C16orf92: variants seen among roughly 807,000 people sequenced by gnomAD.
C16orf92 encodes the protein fertilization-influencing membrane protein 1.
C16orf92 carries 14 observed loss-of-function variants against 13.7 expected under a neutral mutation model. The ratio of observed to expected loss-of-function variants is 1.02; its 90% confidence interval spans 0.67 to 1.60. C16orf92 has a LOEUF of 1.60. C16orf92 is among the 40% of genes most tolerant of loss of function. C16orf92 has a pLI of 0.00. For missense variants in C16orf92, 116 were observed against 139.0 expected, an observed-to-expected ratio of 0.83 and a Z score of 0.83; for synonymous variants, 50 against 57.4, an observed-to-expected ratio of 0.87 and a Z score of 0.58.
chr16:30,023,595 G>C (rs571779753), intron 1 of C16orf92, 132 bp from the exon 2 acceptor site: 8 of 1,541,400 alleles, frequency 5.2e-6, no homozygotes, highest in Non-Finnish European at 7.1e-6. Flanking sequence ...CTGACCCTGA[G>C]GGAAATCAAG....
downstream of C16orf92, chr16:30,025,233 G>A (rs1438657523): frequency 6.6e-7 from 1 of 1,522,452 alleles, no homozygotes; most frequent in Non-Finnish European, 8.8e-7. The surrounding 1 kb of genome is among the most constrained non-coding windows in gnomAD (Gnocchi z 4.1). Context: ...GGCCAGAAGA[G>A]GCGGCAGGCC....
downstream of C16orf92, chr16:30,025,495 G>C (rs769351400): frequency 2.9e-5 from 47 of 1,608,596 alleles, 2 homozygotes; most frequent in Admixed American, 7.9e-4. The surrounding 1 kb of genome is among the most constrained non-coding windows in gnomAD (Gnocchi z 4.1). Flanking sequence ...CAGTGGCCAC[G>C]GCAGCAGAAG....
Position 30,024,378 on chromosome 16 carries a change from C to A in C16orf92, c.*151C>A. The A allele has an allele frequency of 9.4e-7, 1 of 1,058,856 alleles. No individual in the cohort carries two copies. The highest frequency in any genetic ancestry group is 1.3e-6 in the Non-Finnish European group (1 of 745,200). The allele number at this position is 1,058,856 out of a possible 1,614,324, so 65.6% of individuals were successfully genotyped here. On this transcript the variant is annotated 3_prime_UTR_variant, in exon 4 of 4. Coordinates refer to ENST00000681219, the MANE Select transcript of C16orf92 (RefSeq NM_001109659.2). Reference sequence around the variant, plus strand: ...CTCTGTTTCCCATGGCCCAAGCCCCCCACCTCCTCCCTTCCCAGCCCCAAA... The same window carrying A: ...CTCTGTTTCCCATGGCCCAAGCCCCACACCTCCTCCCTTCCCAGCCCCAAA...
downstream of C16orf92, chr16:30,025,679 C>T: frequency 6.3e-7 from 1 of 1,586,202 alleles, no homozygotes; most frequent in South Asian, 1.1e-5. This position sits in a 1 kb window ranked among gnomAD's most constrained non-coding sequence, Gnocchi z 4.1. Flanking sequence ...CCCTCCCCTT[C>T]CTGTGACCTC....
chr16:30,023,468 C>T (rs2070946088), intron 1 of C16orf92, 64 bp downstream of exon 1: 1 of 1,524,472 alleles, frequency 6.6e-7, no homozygotes, highest in Non-Finnish European at 9.0e-7. Flanking sequence ...GTGTGATGCC[C>T]ACTTAGGGAC....
chr16:30,026,929 G>A (rs138064628), downstream of C16orf92: 21 of 1,150,750 alleles, frequency 1.8e-5, no homozygotes, highest in East Asian at 4.7e-4. Flanking sequence ...CAGCACAGCA[G>A]CCCTGGACAG....
downstream of C16orf92, chr16:30,024,995 G>T (rs1567293826): frequency 1.9e-6 from 1 of 531,298 alleles, no homozygotes; most frequent in Non-Finnish European, 3.3e-6. Flanking sequence ...GGGCAGAGTA[G>T]GGGGAAGAGG....
chr16:30,023,357 G>C lies in C16orf92; in HGVS notation c.17G>C (p.Trp6Ser), dbSNP rs774121424. The change falls in exon 1 of 4, where the codon TGG becomes TCG. Residue 6 changes from tryptophan (W) to serine (S), a missense_variant. Coordinates refer to ENST00000681219, the MANE Select transcript of C16orf92 (RefSeq NM_001109659.2). MRLWP[W>S]VLVWVWLAAL... ...ATAGGAGTCATGAGGCTGTGGCCAT[G>C]GGTGCTGGTGTGGGTGTGGCTGGCT... The C allele has an allele frequency of 3.1e-6, 5 of 1,608,560 alleles. No homozygotes were observed. In the South Asian group the frequency reaches 5.6e-5, roughly 18 times the overall value.
intron 2 of C16orf92, 26 bp downstream of exon 2, chr16:30,023,911 T>C (rs1282512021): frequency 6.3e-7 from 1 of 1,595,142 alleles, no homozygotes; most frequent in Non-Finnish European, 8.6e-7. Flanking sequence ...AGAAGGGACC[T>C]CCCTCCCCGC....
At position 30,023,708 on chromosome 16, in the gene C16orf92, G is replaced by C. The variant is rs2070956504; in HGVS notation, c.65-19G>C. 3 of 1,614,022 alleles carry C rather than the reference G, an allele frequency of 1.9e-6. No individual in the cohort carries two copies. In the African/African-American group the frequency reaches 4.0e-5, roughly 22 times the overall value. ...AGGGGTCAGCTTGGCTGTTGTCACA[G>C]AGTTTGCTTGGGTCCTAGCACCCAG... On this transcript the variant is annotated intron_variant, in intron 1 of 3. Transcript: ENST00000681219.
intron 1 of C16orf92, 101 bp from the exon 2 acceptor site, chr16:30,023,626 T>C (rs887212365): frequency 2.5e-6 from 4 of 1,589,990 alleles, no homozygotes; most frequent in Non-Finnish European, 8.6e-7. Flanking sequence ...GCCTCTGCAA[T>C]AAGGCTGGGT....
chr16:30,025,324 C>T, downstream of C16orf92: 1 of 1,573,130 alleles, frequency 6.4e-7, no homozygotes, highest in Non-Finnish European at 8.6e-7. The surrounding 1 kb of genome is among the most constrained non-coding windows in gnomAD (Gnocchi z 4.1). Context: ...CAGGGATGGC[C>T]AGGGGCACGG....
At position 30,024,668 on chromosome 16, in the gene C16orf92, A is replaced by G; in HGVS notation, c.*441A>G. 5.1e-6 allele frequency: 1 copy of G among 196,120 alleles called. No individual in the cohort carries two copies. The highest frequency in any genetic ancestry group is 1.0e-5 in the Non-Finnish European group (1 of 97,172). 12.1% of individuals were successfully genotyped at this position (196,120 alleles called of 1,614,324 possible). A position where few individuals can be genotyped will look rare whatever the true frequency, so the allele number is the denominator to read the frequency against. ...CCCCCAACCCAACAGACTAGTTCAA[A>G]TTTGGGTAAATAAATAAAATAAATA... is the stretch of plus-strand genomic sequence containing the variant. On this transcript the variant is annotated 3_prime_UTR_variant, in exon 4 of 4. Coordinates refer to ENST00000681219, the MANE Select transcript of C16orf92 (RefSeq NM_001109659.2).
In C16orf92 at chr16:30,024,226, A is replaced by G; in HGVS notation, c.332A>G (p.Ter111=). ...CTHINFQKGA[*] is the part of the protein sequence containing the mutation. ...CACAGAAACTTCCAGAAAGGGGCCT[A>G]AAGAGCCGGACAAGGGCTCTGGACT... Residue 111 remains the stop codon, a stop_retained_variant, in exon 4 of 4, where the codon TAA becomes TGA. Coordinates refer to ENST00000681219, the MANE Select transcript of C16orf92 (RefSeq NM_001109659.2). 6.2e-7 allele frequency: 1 copy of G among 1,613,976 alleles called. No individual in the cohort carries two copies. Among genetic ancestry groups the G allele is most frequent in the Non-Finnish European group, 8.5e-7 (1 of 1,179,888 alleles).
downstream of C16orf92, chr16:30,026,524 C>T (rs923274342): frequency 2.2e-5 from 27 of 1,233,250 alleles, no homozygotes; most frequent in African/African-American, 3.0e-5. Flanking sequence ...TACGCAGACC[C>T]GGGGCTTCCC....
In C16orf92 at chr16:30,023,376, G is replaced by T. The variant is rs1259967128; in HGVS notation, c.36G>T (p.Trp12Cys). ...GGCCATGGGTGCTGGTGTGGGTGTG[G>T]CTGGCTGCACTAGGGGCCATAGAAA... The part of the protein sequence containing the change: ...RLWPWVLVWV[W>C]LAALGAIETA... The change falls in exon 1 of 4, where the codon TGG becomes TGT. Residue 12 changes from tryptophan to cysteine, a missense_variant. Coordinates refer to ENST00000681219, the MANE Select transcript of C16orf92 (RefSeq NM_001109659.2). 1 of 1,610,714 alleles carries T rather than the reference G, an allele frequency of 6.2e-7. No individual in the cohort carries two copies. The highest frequency in any genetic ancestry group is 8.5e-7 in the Non-Finnish European group (1 of 1,178,826).
In C16orf92 at chr16:30,024,051, G is replaced by A. The variant is rs371571245; in HGVS notation, c.276G>A (p.Ala92=). 8 of 1,613,856 alleles carry A rather than the reference G, an allele frequency of 5.0e-6. No individual in the cohort carries two copies. The highest frequency in any genetic ancestry group is 5.9e-6 in the Non-Finnish European group (7 of 1,179,928). ...HHILVGLLVV[A]FFFLLFQFCT... ...TCCTGGTGGGCTTGCTGGTGGTGGCGTTCTTCTTTCTCCTTTTCCAGTTCT... is the reference window on the plus strand; with the variant it reads ...TCCTGGTGGGCTTGCTGGTGGTGGCATTCTTCTTTCTCCTTTTCCAGTTCT... Residue 92 remains alanine (A), a synonymous_variant, in exon 3 of 4, where the codon GCG becomes GCA. Coordinates refer to ENST00000681219, the MANE Select transcript of C16orf92 (RefSeq NM_001109659.2).
In C16orf92 at chr16:30,023,699, G is replaced by A. The variant is rs201910743; in HGVS notation, c.65-28G>A. On this transcript the variant is annotated intron_variant, in intron 1 of 3. Transcript: ENST00000681219. ...GATAAAGGCAGGGGTCAGCTTGGCT[G>A]TTGTCACAGAGTTTGCTTGGGTCCT... 3.7e-6 allele frequency: 6 copies of A among 1,614,140 alleles called. No individual in the cohort carries two copies. The Admixed American group carries it at 8.3e-5, about 22-fold the overall frequency.
At chr16:30,025,765 G>A (rs1278883007), downstream of C16orf92, 1 of 1,614,160 alleles carries the variant, frequency 6.2e-7, no homozygotes, top group South Asian at 1.1e-5. This position sits in a 1 kb window ranked among gnomAD's most constrained non-coding sequence, Gnocchi z 4.1. Flanking sequence ...AGGGCGTGCT[G>A]ACCTCTGCCA....
Sources: gnomAD v4.1 joint callset for allele counts on GRCh38, gnomAD v4.1.1 for gene constraint, Gnocchi (gnomAD v3.1) non-coding constraint, MANE v1.5 for transcripts, NCBI Gene and HGNC (gene_info 2026-07-23, HGNC 2026-07-21) for gene names.